The following EXD1 variants were observed in gnomAD, a reference collection of about 807,000 sequenced individuals.
EXD1 encodes piRNA biogenesis protein EXD1.
Under a neutral mutation model 49.1 loss-of-function variants are expected in EXD1, and 63 were observed. That is an observed-to-expected ratio of 1.28 (90% CI 1.05 to 1.58). EXD1 has a LOEUF of 1.58. EXD1 is among the 40% of genes most tolerant of loss of function. The pLI, the probability that EXD1 is intolerant of heterozygous loss-of-function variation, is 0.00. For synonymous variants in EXD1, 234 were observed against 239.2 expected (o/e 0.98, Z 0.20); for missense variants, 748 against 666.0 (o/e 1.12, Z -1.36).
intron 7 of EXD1, among the ~76,000 whole-genome samples, chr15:41,209,283 C>G (rs1169226409): frequency 6.6e-6 from 1 of 152,072 alleles, no homozygotes. Context: ...GGTGTGGTGA[C>G]ATGCATCTGT....
chr15:41,217,030 T>C (rs1208652822), intron 4 of EXD1, 67 bp downstream of exon 4: 1 of 1,452,658 alleles, frequency 6.9e-7, no homozygotes, highest in Non-Finnish European at 9.5e-7. Context: ...TGAATTAGAG[T>C]TAAGGCTTTC....
Position 41,195,977 on chromosome 15 carries a change from G to A in EXD1, c.595C>T (p.His199Tyr). Residue 199 changes from histidine (H) to tyrosine (Y), a missense_variant, in exon 8 of 12, where the codon CAC (histidine) becomes TAC (tyrosine). Coordinates refer to ENST00000458580, the MANE Select transcript of EXD1 (RefSeq NM_001286441.2). ...TCTAGTATCATCTGAAGTCCATTGT[G>A]GAAAGCTCGACTTCCCAGAAGGAAA... ...DIFLLGSRAF[H>Y]NGLQMILEDK... The A allele has an allele frequency of 6.2e-7, 1 of 1,613,242 alleles. No homozygotes were observed. The highest frequency in any genetic ancestry group is 8.5e-7 in the Non-Finnish European group (1 of 1,179,752).
chr15:41,220,553 C>T (rs563954754), intron 2 of EXD1, among the ~76,000 whole-genome samples: 4 of 152,172 alleles, frequency 2.6e-5, no homozygotes, highest in East Asian at 3.9e-4. Flanking sequence ...CCACCGCACC[C>T]GGCCAAGGCA....
intron 1 of EXD1, among the ~76,000 whole-genome samples, chr15:41,227,675 C>T (rs80333965): frequency 9.0e-4 from 83 of 92,054 alleles, no homozygotes; most frequent in African/African-American, 2.2e-3. Flanking sequence ...AACACTGTCT[C>T]AAAAAAAAAA....
intron 11 of EXD1, among the ~76,000 whole-genome samples, chr15:41,189,399 C>A (rs569213541): frequency 2.0e-5 from 3 of 147,408 alleles, no homozygotes; most frequent in Admixed American, 1.4e-4. Context: ...CGTGGTGGTT[C>A]ATGCCTGTAA....
Position 41,198,710 on chromosome 15 carries a change from T to TAAA in EXD1, c.535-2674_535-2673insTTT, listed in dbSNP as rs1566979738. On this transcript the variant is annotated intron_variant, in intron 7 of 11. Transcript: ENST00000458580. ...TTTTTATTTTTTAATTAAAAAAAATTTTTTTTTTTTTTAAGACAGAGTTTC... is the reference window on the plus strand; with the variant it reads ...TTTTTATTTTTTAATTAAAAAAAATTAAATTTTTTTTTTTTAAGACAGAGTTTC... Among the ~76,000 whole-genome samples the TAAA allele has an allele frequency of 3.8e-3, 520 of 135,498 alleles. 2 individuals carry two copies. Among genetic ancestry groups the TAAA allele is most frequent in the African/African-American group, 0.015 (492 of 33,616 alleles). The allele number at this position is 135,498 out of a possible 152,430, so 88.9% of individuals were successfully genotyped here. A position where few individuals can be genotyped will look rare whatever the true frequency, so the allele number is the denominator to read the frequency against.
chr15:41,224,245 TAA>T (rs1326072679), intron 2 of EXD1, among the ~76,000 whole-genome samples: 1 of 152,192 alleles, frequency 6.6e-6, no homozygotes, highest in Non-Finnish European at 1.5e-5. Context: ...GCCCCTAGAC[TAA>T]GTTTTTTGAG....
chr15:41,225,920 C>A (rs200255290), intron 2 of EXD1, among the ~76,000 whole-genome samples: 80 of 81,470 alleles, frequency 9.8e-4, no homozygotes, highest in African/African-American at 8.0e-3. Flanking sequence ...ACAAAAAAAA[C>A]CTTTTTATAT....
chr15:41,230,630 T>C lies in EXD1; in HGVS notation c.-205A>G, dbSNP rs1261696306. 9.1e-6 allele frequency: 13 copies of C among 1,432,694 alleles called. No individual in the cohort carries two copies. The highest frequency in any genetic ancestry group is 1.2e-5 in the Non-Finnish European group (12 of 1,031,970). The allele number at this position is 1,432,694 out of a possible 1,614,324, so 88.7% of individuals were successfully genotyped here. On this transcript the variant is annotated 5_prime_UTR_variant, in exon 1 of 12. Transcript: ENST00000458580. ...AGGGGCTGCAATGAAGGAAGAAGTC[T>C]CGGGACGCTCCACGCCACCCGGCGG...
At chr15:41,220,139 A>G (rs1256787436) in intron 2 of EXD1, among the ~76,000 whole-genome samples, 1 of 152,160 alleles carries the variant, frequency 6.6e-6, no homozygotes, top group African/African-American at 2.4e-5. Flanking sequence ...GAAACTAAAA[A>G]GGATAGTACA....
intron 11 of EXD1, among the ~76,000 whole-genome samples, chr15:41,185,184 C>T (rs550169196): frequency 1.3e-5 from 2 of 152,106 alleles, no homozygotes; most frequent in Non-Finnish European, 2.9e-5. Flanking sequence ...GCCTCAGCTG[C>T]GTTAGCAGGT....
At chr15:41,215,283 T>C (rs976402462) in intron 6 of EXD1, among the ~76,000 whole-genome samples, 2 of 151,476 alleles carry the variant, frequency 1.3e-5, no homozygotes, top group Admixed American at 6.6e-5. Context: ...GAACTTTGTC[T>C]TGATTATGGT....
intron 7 of EXD1, among the ~76,000 whole-genome samples, chr15:41,199,052 C>G (rs1373314703): frequency 6.6e-6 from 1 of 151,898 alleles, no homozygotes; most frequent in Non-Finnish European, 1.5e-5. Context: ...CAACCTCTGC[C>G]TCCTGGGAGC....
In EXD1 at chr15:41,190,048, TA is replaced by T; in HGVS notation, c.944del (p.Leu315TyrfsTer8). 1 of 1,613,950 alleles carries T rather than the reference TA, an allele frequency of 6.2e-7. No individual in the cohort carries two copies. Among genetic ancestry groups the T allele is most frequent in the Non-Finnish European group, 8.5e-7 (1 of 1,180,002 alleles). On this transcript the variant is annotated frameshift_variant, in exon 11 of 12. Transcript: ENST00000458580. LOFTEE classifies it high-confidence loss of function. ...CATCTAGGAGTGCCAAGCGAAGGGG[TA>T]ACAGGTAGGTAGCTTCCAGGGCCAA... ...KILALEATYL[L>X]PLRLALLDEM...
intron 7 of EXD1, among the ~76,000 whole-genome samples, chr15:41,201,517 T>C (rs2046728181): frequency 6.9e-6 from 1 of 144,060 alleles, no homozygotes; most frequent in Non-Finnish European, 1.5e-5. Context: ...TGAGACAGAG[T>C]CTCGCTGTGT....
In EXD1 at chr15:41,195,771, G is replaced by C; in HGVS notation, c.720+4C>G. ...GTTTGAATCCAGTGCTTCCCTTCAT[G>C]TACCTGTGTGTCAAAGACATTATTC... On this transcript the variant is annotated splice_donor_region_variant and intron_variant, in intron 9 of 11. Coordinates refer to ENST00000458580, the MANE Select transcript of EXD1 (RefSeq NM_001286441.2). 6.2e-7 allele frequency: 1 copy of C among 1,610,540 alleles called. No homozygotes were observed. Among genetic ancestry groups the C allele is most frequent in the Non-Finnish European group, 8.5e-7 (1 of 1,178,666 alleles).
rs925322224 is a variant in EXD1 at position 41,216,610 on chromosome 15, A to G, written c.388+58T>C. On this transcript the variant is annotated intron_variant, in intron 5 of 11. Transcript: ENST00000458580. ...CACGCCATTGCACTGCAGCCTGGGC[A>G]ACAAGAGCGAAACTCCATCTCAAAA... 1.7e-4 allele frequency: 264 copies of G among 1,527,144 alleles called. 2 individuals carry two copies. Among genetic ancestry groups the G allele is most frequent in the Non-Finnish European group, 2.5e-5 (29 of 1,138,580 alleles). 94.6% of individuals were successfully genotyped at this position (1,527,144 alleles called of 1,614,324 possible).
chr15:41,219,985 C>G (rs2047061809), intron 2 of EXD1, 87 bp from the exon 3 acceptor site: 4 of 978,630 alleles, frequency 4.1e-6, no homozygotes, highest in Non-Finnish European at 4.4e-6. Flanking sequence ...TTTCCCAAGT[C>G]TGAGTTGTAT....
chr15:41,217,538 T>TTTG (rs1259188024), intron 3 of EXD1, among the ~76,000 whole-genome samples: 1 of 149,448 alleles, frequency 6.7e-6, no homozygotes, highest in African/African-American at 2.5e-5. Flanking sequence ...CCTTTTTTTT[T>TTTG]TTTTTTTTTT....
Sources: gnomAD v4.1 joint callset for allele counts (sites outside exome capture counted in the v4.1 genomes callset) on GRCh38, gnomAD v4.1.1 for gene constraint, MANE v1.5 for transcripts, NCBI Gene and HGNC (gene_info 2026-07-23, HGNC 2026-07-21) for gene names.